The following MYO18B variants were observed in gnomAD, a reference collection of about 807,000 sequenced individuals.
MYO18B encodes unconventional myosin-XVIIIb.
A neutral mutation model predicts 273.0 loss-of-function variants in MYO18B; 204 were observed. The observed-to-expected ratio is 0.75, with a 90% CI of 0.67 to 0.84. The LOEUF is 0.84. Ranked by LOEUF, MYO18B falls within the 40% of genes least tolerant of loss-of-function variation. The pLI is 0.00. For synonymous variants in MYO18B, 1,330 were observed against 1,305.7 expected (o/e 1.02, Z -0.40); for missense variants, 3,212 against 3,287.6 (o/e 0.98, Z 0.56).
intron 33 of MYO18B, among the ~76,000 whole-genome samples, chr22:25,911,686 A>T (rs1358794641): frequency 6.6e-6 from 1 of 152,248 alleles, no homozygotes; most frequent in East Asian, 1.9e-4. Context: ...TCTACCCACC[A>T]CATTGCAGTA....
At chr22:25,773,374 T>C (rs1240349258) in intron 7 of MYO18B, among the ~76,000 whole-genome samples, 1 of 151,554 alleles carries the variant, frequency 6.6e-6, no homozygotes, top group Non-Finnish European at 1.5e-5. Context: ...GTGGGAGAGG[T>C]TGGGAAAAAC....
At chr22:25,932,551 G>A (rs2092520935) in intron 34 of MYO18B, among the ~76,000 whole-genome samples, 1 of 151,846 alleles carries the variant, frequency 6.6e-6, no homozygotes, top group Admixed American at 6.6e-5. Context: ...TGGGATTATA[G>A]GCATGCGTCA....
the MYO18B span, among the ~76,000 whole-genome samples, chr22:26,040,039 A>G: frequency 3.7e-4 from 57 of 152,180 alleles, no homozygotes; most frequent in South Asian, 6.2e-4. Context: ...CGTTGCCGAG[A>G]CTGGCATTAT....
chr22:26,033,884 C>A (rs1249466305), downstream of MYO18B, among the ~76,000 whole-genome samples: 2 of 118,220 alleles, frequency 1.7e-5, no homozygotes, highest in Non-Finnish European at 3.2e-5. Flanking sequence ...TTCTTTCTTT[C>A]CTTTCTTTTT....
intron 1 of MYO18B, among the ~76,000 whole-genome samples, chr22:25,743,241 T>C (rs961878512): frequency 5.9e-5 from 9 of 152,360 alleles, no homozygotes; most frequent in African/African-American, 1.9e-4. Context: ...AGATGCTGCC[T>C]CATTCAGTGC....
intron 33 of MYO18B, among the ~76,000 whole-genome samples, chr22:25,920,527 G>A (rs1017680133): frequency 2.0e-5 from 3 of 152,148 alleles, no homozygotes; most frequent in Non-Finnish European, 4.4e-5. Context: ...CTTGACAGCT[G>A]TCCCTGGCAA....
chr22:25,788,699 A>G (rs1221899888), intron 11 of MYO18B, among the ~76,000 whole-genome samples: 1 of 152,156 alleles, frequency 6.6e-6, no homozygotes, highest in Non-Finnish European at 1.5e-5. Context: ...ACCCAACTTC[A>G]TCCCTGGCTG....
intron 25 of MYO18B, among the ~76,000 whole-genome samples, 181 bp downstream of exon 25, chr22:25,878,229 G>A (rs1483707058): frequency 6.6e-6 from 1 of 152,088 alleles, no homozygotes; most frequent in Non-Finnish European, 1.5e-5. Context: ...TGAGGCCCTG[G>A]GATATTAAGT....
intron 39 of MYO18B, among the ~76,000 whole-genome samples, chr22:25,987,249 G>A (rs1183878200): frequency 2.0e-5 from 3 of 152,100 alleles, no homozygotes; most frequent in African/African-American, 7.2e-5. Context: ...TTAAATATTA[G>A]CCTCTAATTG....
chr22:25,833,110 C>A, intron 16 of MYO18B, 113 bp downstream of exon 16: 2 of 993,064 alleles, frequency 2.0e-6, no homozygotes, highest in South Asian at 2.8e-5. Context: ...CACCTAGAGT[C>A]ACCCCGGGAT....
chr22:25,889,307 A>C (rs908149049), intron 25 of MYO18B, among the ~76,000 whole-genome samples: 3 of 152,168 alleles, frequency 2.0e-5, no homozygotes, highest in Non-Finnish European at 4.4e-5. Context: ...TGCTCATTGT[A>C]AGAACCATTT....
chr22:25,830,982 A>T (rs1001691804), intron 15 of MYO18B, among the ~76,000 whole-genome samples: 2 of 152,260 alleles, frequency 1.3e-5, no homozygotes, highest in African/African-American at 4.8e-5. Flanking sequence ...TCAATGTAAT[A>T]CATTTTTAAT....
chr22:25,766,641 C>T (rs531968143), intron 3 of MYO18B, among the ~76,000 whole-genome samples: 9 of 152,212 alleles, frequency 5.9e-5, no homozygotes, highest in Admixed American at 5.2e-4. Flanking sequence ...GGAAAGGGCA[C>T]GCCAGGCAGC....
intron 42 of MYO18B, among the ~76,000 whole-genome samples, chr22:26,019,126 C>T (rs766030675): frequency 2.0e-4 from 31 of 152,162 alleles, no homozygotes; most frequent in Non-Finnish European, 3.1e-4. Context: ...ACTGCTCTCC[C>T]CAGGAGGGGA....
intron 41 of MYO18B, among the ~76,000 whole-genome samples, chr22:26,003,554 T>C (rs994420129): frequency 6.6e-6 from 1 of 152,208 alleles, no homozygotes; most frequent in Non-Finnish European, 1.5e-5. Context: ...AATGGCTCCC[T>C]ATTGCCCCAG....
At chr22:25,873,101 G>C (rs74953901) in intron 22 of MYO18B, among the ~76,000 whole-genome samples, 1 of 152,122 alleles carries the variant, frequency 6.6e-6, no homozygotes, top group Non-Finnish European at 1.5e-5. Flanking sequence ...TCAGGTTCTC[G>C]CAGAAAAGCA....
At chr22:25,790,107 T>A (rs2087592819) in intron 11 of MYO18B, among the ~76,000 whole-genome samples, 2 of 152,244 alleles carry the variant, frequency 1.3e-5, no homozygotes, top group African/African-American at 4.8e-5. Flanking sequence ...GAGCCGAGAT[T>A]GCGCCACTGC....
intron 3 of MYO18B, among the ~76,000 whole-genome samples, chr22:25,765,670 C>A (rs1338407223): frequency 1.3e-5 from 2 of 151,884 alleles, no homozygotes; most frequent in African/African-American, 2.4e-5. Context: ...TCTAGAGGTG[C>A]TGTTTCCCTC....
intron 39 of MYO18B, among the ~76,000 whole-genome samples, chr22:25,989,996 C>T (rs931731255): frequency 2.0e-5 from 3 of 152,196 alleles, no homozygotes; most frequent in Non-Finnish European, 4.4e-5. Flanking sequence ...GGGGATTTCA[C>T]AGTTGGTGGC....
Sources: gnomAD v4.1 joint callset for allele counts (sites outside exome capture counted in the v4.1 genomes callset) on GRCh38, gnomAD v4.1.1 for gene constraint, MANE v1.5 for transcripts, NCBI Gene and HGNC (gene_info 2026-07-23, HGNC 2026-07-21) for gene names.